The following ADGRL3 variants were observed in gnomAD, a reference collection of about 807,000 sequenced individuals.
The protein encoded by ADGRL3 is calcium-independent alpha-latrotoxin receptor 3.
ADGRL3 carries 62 observed loss-of-function variants against 153.5 expected under a neutral mutation model. The ratio of observed to expected loss-of-function variants is 0.40; its 90% CI spans 0.33 to 0.50. The LOEUF (loss-of-function observed/expected upper bound fraction) is 0.50. Ranked by LOEUF, ADGRL3 falls within the 20% of genes least tolerant of loss-of-function variation. The pLI is 0.47. For missense variants in ADGRL3, 1,641 were observed against 1,859.4 expected (o/e 0.88, Z 2.16); for synonymous variants, 710 against 672.5 (o/e 1.06, Z -0.86).
intron 8 of ADGRL3, among the ~76,000 whole-genome samples, chr4:61,740,036 C>T (rs1561154434): frequency 6.6e-6 from 1 of 152,190 alleles, no homozygotes; most frequent in East Asian, 1.9e-4. Flanking sequence ...GTCTAAAGAA[C>T]CAGTGATTCA....
chr4:61,203,078 C>T (rs949374468), intron 1 of ADGRL3, among the ~76,000 whole-genome samples: 8 of 152,174 alleles, frequency 5.3e-5, no homozygotes, highest in Admixed American at 3.9e-4. Flanking sequence ...GCTGGTGCAG[C>T]GCTCGATGCA....
chr4:62,055,170 A>G (rs1035414852), intron 25 of ADGRL3, among the ~76,000 whole-genome samples: 1 of 151,848 alleles, frequency 6.6e-6, no homozygotes, highest in African/African-American at 2.4e-5. Flanking sequence ...TAGCCAATTA[A>G]TACAAAATAA....
chr4:61,888,591 T>C (rs1162013682), intron 9 of ADGRL3, among the ~76,000 whole-genome samples: 2 of 152,168 alleles, frequency 1.3e-5, no homozygotes, highest in African/African-American at 2.4e-5. Context: ...TACATAGCAG[T>C]AAATGGAAGG....
At chr4:62,007,443 C>CAT (rs2099165090) in intron 21 of ADGRL3, among the ~76,000 whole-genome samples, 1 of 127,272 alleles carries the variant, frequency 7.9e-6, no homozygotes, top group African/African-American at 3.2e-5. Flanking sequence ...TATATATACA[C>CAT]ACACATATAT....
At chr4:61,830,432 C>T (rs944448776) in intron 9 of ADGRL3, among the ~76,000 whole-genome samples, 1 of 152,158 alleles carries the variant, frequency 6.6e-6, no homozygotes, top group Non-Finnish European at 1.5e-5. Context: ...ATCTGCAGAA[C>T]CTTTTTACCC....
intron 8 of ADGRL3, among the ~76,000 whole-genome samples, chr4:61,760,623 G>A (rs971305489): frequency 1.3e-5 from 2 of 152,102 alleles, no homozygotes; most frequent in East Asian, 1.9e-4. Context: ...GCGATGCCTC[G>A]CCCTGCTTCG....
intron 8 of ADGRL3, among the ~76,000 whole-genome samples, chr4:61,791,703 A>G (rs1384937784): frequency 6.6e-6 from 1 of 152,190 alleles, no homozygotes; most frequent in Non-Finnish European, 1.5e-5. Context: ...CCCTGCAGAA[A>G]ACTTGTGCCT....
chr4:61,350,410 A>G (rs2096019535), intron 1 of ADGRL3, among the ~76,000 whole-genome samples: 1 of 141,466 alleles, frequency 7.1e-6, no homozygotes, highest in Non-Finnish European at 1.5e-5. Flanking sequence ...TTGCAGTAGT[A>G]TAAATTTAAG....
chr4:62,023,357 C>T (rs912167776), intron 21 of ADGRL3, among the ~76,000 whole-genome samples: 6 of 152,110 alleles, frequency 3.9e-5, no homozygotes, highest in Non-Finnish European at 7.4e-5. Context: ...AGAATCTACT[C>T]CTGGTAAAGA....
rs138296441 is a variant in ADGRL3, at chr4:61,593,153, C to T, written c.473+5713C>T. On this transcript the variant is annotated intron_variant, in intron 5 of 26. Transcript: ENST00000683033. ...TAAAAACTCTACACTTTAACTTCAT[C>T]CTCCCACTTTTTAACATTTTGTTGT... 8.1e-3 allele frequency among the ~76,000 whole-genome samples: 1,232 copies of T among 152,264 alleles called. 5 individuals carry two copies. Among genetic ancestry groups the T allele is most frequent in the Non-Finnish European group, 0.014 (927 of 68,002 alleles).
Position 61,368,293 on chromosome 4 carries a change from G to A in ADGRL3, c.-239-14831G>A, listed in dbSNP as rs540317381. The stretch of plus-strand genomic sequence containing the variant: ...TTTGTTGCCATTGCTTTTGAATGAA[G>A]TCCTTGCCCATGCCTATGTCCTGAA... On this transcript the variant is annotated intron_variant, in intron 1 of 26. Coordinates refer to ENST00000683033, the MANE Select transcript of ADGRL3 (RefSeq NM_001387552.1). 3.3e-5 allele frequency among the ~76,000 whole-genome samples: 5 copies of A among 151,994 alleles called. No homozygotes were observed. In the South Asian group the frequency reaches 1.0e-3, roughly 32 times the overall value.
intron 1 of ADGRL3, among the ~76,000 whole-genome samples, chr4:61,321,764 C>T (rs1342705288): frequency 6.6e-6 from 1 of 151,836 alleles, no homozygotes; most frequent in Non-Finnish European, 1.5e-5. Context: ...CTTATGGGAC[C>T]CAATGTCATG....
At chr4:61,581,868 A>C (rs191951791) in intron 4 of ADGRL3, among the ~76,000 whole-genome samples, 316 of 152,152 alleles carry the variant, frequency 2.1e-3, no homozygotes, top group Non-Finnish European at 3.0e-3. Context: ...ACGTTGTTCA[A>C]ATACATTCTT....
chr4:61,304,824 C>T (rs1021294189), intron 1 of ADGRL3, among the ~76,000 whole-genome samples: 1 of 152,000 alleles, frequency 6.6e-6, no homozygotes, highest in African/African-American at 2.4e-5. Flanking sequence ...TGCTAAAATC[C>T]CAGAGCAGCA....
chr4:61,356,608 A>T (rs187751358), intron 1 of ADGRL3, among the ~76,000 whole-genome samples: 3 of 152,216 alleles, frequency 2.0e-5, no homozygotes, highest in Admixed American at 6.5e-5. Context: ...CATTCCATGG[A>T]GTATTTGACA....
At chr4:61,539,791 A>T (rs756615352) in intron 4 of ADGRL3, among the ~76,000 whole-genome samples, 14 of 152,066 alleles carry the variant, frequency 9.2e-5, no homozygotes, top group Non-Finnish European at 1.9e-4. Flanking sequence ...TTGCAGGGGT[A>T]AGGGGAGCAG....
In ADGRL3 at chr4:62,071,123, T is replaced by C. The variant is rs544494465; in HGVS notation, c.*215T>C. 2.1e-6 allele frequency: 1 copy of C among 472,612 alleles called. No homozygotes were observed. The allele number at this position is 472,612 out of a possible 1,614,324, so 29.3% of individuals were successfully genotyped here. A position where few individuals can be genotyped will look rare whatever the true frequency, so the allele number is the denominator to read the frequency against. ...CTAAAATTCCCCTGTACCCCATCCT[T>C]TCTTGTCCTTTCCCCTTCAGATGGA... On this transcript the variant is annotated 3_prime_UTR_variant, in exon 27 of 27. Coordinates refer to ENST00000683033, the MANE Select transcript of ADGRL3 (RefSeq NM_001387552.1).
chr4:61,948,619 G>T (rs2098935049), intron 17 of ADGRL3, among the ~76,000 whole-genome samples: 1 of 152,110 alleles, frequency 6.6e-6, no homozygotes, highest in South Asian at 2.1e-4. Context: ...AGAAAGCTGG[G>T]ACTGGGGAGG....
chr4:61,645,770 T>C (rs2093948774), intron 5 of ADGRL3, among the ~76,000 whole-genome samples: 1 of 152,038 alleles, frequency 6.6e-6, no homozygotes, highest in East Asian at 2.0e-4. Flanking sequence ...TGTCTTGGAG[T>C]TGCTCTTCTT....
Sources: allele counts gnomAD v4.1 joint callset (sites outside exome capture counted in the v4.1 genomes callset), GRCh38; gene constraint gnomAD v4.1.1; transcripts MANE v1.5; gene names NCBI Gene and HGNC (gene_info 2026-07-23, HGNC 2026-07-21).